Variants in SLC6A5 observed in about 807,000 individuals in gnomAD.
SLC6A5 encodes the protein sodium- and chloride-dependent glycine transporter 2.
A neutral mutation model predicts 90.5 loss-of-function variants in SLC6A5; 58 were observed. The ratio of observed to expected loss-of-function variants is 0.64; its 90% CI spans 0.52 to 0.80. The LOEUF is 0.80. Ranked by LOEUF, SLC6A5 falls within the 30% of genes least tolerant of loss-of-function variation. The pLI is 0.00. For missense variants in SLC6A5, 1,015 were observed against 1,017.6 expected (o/e 1.00, Z 0.03); for synonymous variants, 427 against 401.4 (o/e 1.06, Z -0.76).
Position 20,626,811 on chromosome 11 carries a change from C to T in SLC6A5, c.1364C>T (p.Thr455Ile). The part of the protein sequence containing the change: ...GAGAGIWYFI[T>I]PKWEKLTDAT... The stretch of plus-strand genomic sequence containing the variant: ...GGAGCTGGGATCTGGTACTTCATCA[C>T]ACCCAAGTGGGAGAAACTCACGGAT... The change falls in exon 8 of 16, where the codon ACA becomes ATA. Residue 455 changes from threonine to isoleucine, a missense_variant. By Grantham distance (89) the Thr-to-Ile change is moderately conservative. Around this residue, in one of 3 missense-constraint regions of SLC6A5, gnomAD observed 442 missense variants for 494.3 expected, o/e 0.89. Coordinates refer to ENST00000525748, the MANE Select transcript of SLC6A5 (RefSeq NM_004211.5). 1.2e-6 allele frequency: 2 copies of T among 1,614,050 alleles called. No homozygotes were observed. The highest frequency in any genetic ancestry group is 8.5e-7 in the Non-Finnish European group (1 of 1,179,884).
At chr11:20,621,676 G>C (rs966523140) in intron 7 of SLC6A5, among the ~76,000 whole-genome samples, 3 of 152,208 alleles carry the variant, frequency 2.0e-5, no homozygotes, top group Non-Finnish European at 4.4e-5. Context: ...GCAGCTGAAG[G>C]TGCTTTATGA....
intron 13 of SLC6A5, among the ~76,000 whole-genome samples, chr11:20,643,140 C>T (rs1275462381): frequency 1.3e-5 from 2 of 152,108 alleles, no homozygotes; most frequent in Non-Finnish European, 2.9e-5. Context: ...AGCCACAAGC[C>T]ACCATCTCTT....
chr11:20,643,014 A>G (rs1174693954), intron 13 of SLC6A5, among the ~76,000 whole-genome samples: 2 of 151,934 alleles, frequency 1.3e-5, no homozygotes, highest in African/African-American at 4.8e-5. Flanking sequence ...CCAGCTCTTT[A>G]TCCCCTCTCG....
chr11:20,623,082 C>G (rs956593096), intron 7 of SLC6A5, among the ~76,000 whole-genome samples: 24 of 152,304 alleles, frequency 1.6e-4, no homozygotes, highest in African/African-American at 5.3e-4. Flanking sequence ...GAGGAGCTGG[C>G]TGCTGCTCCT....
chr11:20,601,779 C>T, intron 2 of SLC6A5, 114 bp downstream of exon 2: 1 of 1,144,740 alleles, frequency 8.7e-7, no homozygotes, highest in Non-Finnish European at 1.3e-6. Context: ...TTGGCAGTGC[C>T]AGGTGATGGA....
At chr11:20,648,268 A>C (rs1442756059) in intron 14 of SLC6A5, among the ~76,000 whole-genome samples, 1 of 152,220 alleles carries the variant, frequency 6.6e-6, no homozygotes, top group Admixed American at 6.5e-5. Context: ...ACAATCGCAG[A>C]GGGAATACAT....
Position 20,617,747 on chromosome 11 carries a change from C to G in SLC6A5, c.1128-5C>G, listed in dbSNP as rs1852808964. 6.2e-7 allele frequency: 1 copy of G among 1,613,590 alleles called. No individual in the cohort carries two copies. The highest frequency in any genetic ancestry group is 8.5e-7 in the Non-Finnish European group (1 of 1,179,876). ...ACTCCCCCCATCCCTCCCTCCAACTCTCAGGTACTTTGTGCTGAAGATTTC... is the reference window on the plus strand; with the variant it reads ...ACTCCCCCCATCCCTCCCTCCAACTGTCAGGTACTTTGTGCTGAAGATTTC... On this transcript the variant is annotated splice_polypyrimidine_tract_variant and splice_region_variant and intron_variant, in intron 6 of 15. Coordinates refer to ENST00000525748, the MANE Select transcript of SLC6A5 (RefSeq NM_004211.5).
chr11:20,637,240 G>A lies in SLC6A5; in HGVS notation c.1806G>A (p.Lys602=), dbSNP rs776650853. The A allele has an allele frequency of 9.3e-6, 15 of 1,613,466 alleles. No individual in the cohort carries two copies. Among genetic ancestry groups the A allele is most frequent in the African/African-American group, 5.3e-5 (4 of 74,772 alleles). The change falls in exon 12 of 16, where the codon AAG becomes AAA. Residue 602 remains lysine (K), a synonymous_variant. Coordinates refer to ENST00000525748, the MANE Select transcript of SLC6A5 (RefSeq NM_004211.5). ...DEFPKYLRTH[K]PVFTLGCCIC... ...TTCCCAAGTACCTACGCACACACAAGCCAGTGTTTACTCTGGGCTGCTGCA... is the reference window on the plus strand; with the variant it reads ...TTCCCAAGTACCTACGCACACACAAACCAGTGTTTACTCTGGGCTGCTGCA...
At chr11:20,627,175 A>G (rs1853014089) in intron 8 of SLC6A5, among the ~76,000 whole-genome samples, 1 of 152,230 alleles carries the variant, frequency 6.6e-6, no homozygotes, top group Non-Finnish European at 1.5e-5. Flanking sequence ...GTGGGAAAAT[A>G]ACAGCACTTA....
In SLC6A5 at chr11:20,604,339, G is replaced by A. The variant is rs1852535295; in HGVS notation, c.594G>A (p.Leu198=). The change falls in exon 3 of 16, where the codon CTG becomes CTA. Residue 198 remains leucine (L), a synonymous_variant. Transcript: ENST00000525748. ...NKARGNWSSK[L]DFILSMVGYA... ...CCCGAGGGAACTGGTCCAGCAAACT[G>A]GACTTCATCCTGTCCATGGTGGGGT... The A allele has an allele frequency of 1.9e-6, 3 of 1,613,936 alleles. No individual in the cohort carries two copies. The highest frequency in any genetic ancestry group is 2.5e-6 in the Non-Finnish European group (3 of 1,179,944).
intron 14 of SLC6A5, among the ~76,000 whole-genome samples, chr11:20,649,981 TG>T (rs2133822367): frequency 6.6e-6 from 1 of 152,364 alleles, no homozygotes; most frequent in Admixed American, 6.5e-5. Flanking sequence ...GAATTATTAT[TG>T]TACTGAAATA....
At chr11:20,637,143 C>T (rs1484585848) in intron 11 of SLC6A5, 29 bp from the exon 12 acceptor site, 2 of 1,613,028 alleles carry the variant, frequency 1.2e-6, no homozygotes, top group Non-Finnish European at 8.5e-7. Flanking sequence ...CAATTTGACT[C>T]AGATGTTCAT....
At chr11:20,651,418 C>T (rs555077381) in intron 14 of SLC6A5, among the ~76,000 whole-genome samples, 73 of 151,230 alleles carry the variant, frequency 4.8e-4, no homozygotes, top group Non-Finnish European at 1.0e-3. Context: ...GGATTACAGG[C>T]GCGTGCCACC....
intron 15 of SLC6A5, among the ~76,000 whole-genome samples, chr11:20,654,158 TTGTCAACAGATA>T (rs1158665542): frequency 6.6e-6 from 1 of 152,358 alleles, no homozygotes; most frequent in African/African-American, 2.4e-5. Flanking sequence ...AGCGTGCATT[TTGTCAACAGATA>T]ATTAAAATCT....
chr11:20,609,283 AT>A (rs35256884), intron 5 of SLC6A5, among the ~76,000 whole-genome samples: 8,467 of 145,124 alleles, frequency 0.058, 600 homozygotes, highest in East Asian at 0.36. Flanking sequence ...TTAATTTTTA[AT>A]TTTTTTTTTT....
At chr11:20,614,945 C>T in intron 6 of SLC6A5, 125 bp downstream of exon 6, 1 of 935,896 alleles carries the variant, frequency 1.1e-6, no homozygotes, top group Non-Finnish European at 1.7e-6. Context: ...AGGTTTTTTC[C>T]CTGGTTTGGC....
At chr11:20,616,419 A>G (rs1345734354) in intron 6 of SLC6A5, among the ~76,000 whole-genome samples, 1 of 151,976 alleles carries the variant, frequency 6.6e-6, no homozygotes, top group African/African-American at 2.4e-5. Flanking sequence ...TGATTTGCAA[A>G]CCTGCTTTTG....
chr11:20,601,717 AGAGAG>A (rs745799300), intron 2 of SLC6A5, 52 bp downstream of exon 2: 1 of 1,542,042 alleles, frequency 6.5e-7, no homozygotes, highest in Non-Finnish European at 8.7e-7. Context: ...CAGCTGCGCG[AGAGAG>A]GCCAGCCGGG....
chr11:20,607,345 A>G lies in SLC6A5; in HGVS notation c.812-134A>G, dbSNP rs533088710. The G allele has an allele frequency of 1.2e-4, 143 of 1,204,590 alleles. No homozygotes were observed. In the African/African-American group the frequency reaches 2.0e-3, roughly 17 times the overall value. 74.6% of individuals were successfully genotyped at this position (1,204,590 alleles called of 1,614,324 possible). ...GAATGCCTTCATATCCCTGGTAGAC[A>G]TACAGTCCACTCTGCTATTAGTGCA... On this transcript the variant is annotated intron_variant, in intron 4 of 15. Coordinates refer to ENST00000525748, the MANE Select transcript of SLC6A5 (RefSeq NM_004211.5).
Sources: gnomAD v4.1 joint callset for allele counts (sites outside exome capture counted in the v4.1 genomes callset) on GRCh38, gnomAD v4.1.1 for gene constraint, gnomAD v4.1.1 regional missense constraint, MANE v1.5 for transcripts, NCBI Gene and HGNC (gene_info 2026-07-23, HGNC 2026-07-21) for gene names.